The following TSPEAR variants were observed in gnomAD, a reference collection of about 807,000 sequenced individuals.
The protein encoded by TSPEAR is thrombospondin-type laminin G domain and EAR repeat-containing protein.
A neutral mutation model predicts 71.6 loss-of-function variants in TSPEAR; 69 were observed. The ratio of observed to expected loss-of-function variants is 0.96; its 90% CI spans 0.79 to 1.18. The LOEUF (loss-of-function observed/expected upper bound fraction) is 1.18. Among genes scored for constraint, TSPEAR ranks in the 50% most tolerant of loss-of-function variants. The probability of loss-of-function intolerance (pLI) is 0.00; values close to 1 mark genes in which losing one functional copy is unlikely to be tolerated. For synonymous variants in TSPEAR, 402 were observed against 387.2 expected (o/e 1.04, Z -0.45); for missense variants, 971 against 894.9 (o/e 1.09, Z -1.09).
At chr21:44,548,428 C>G (rs1307330192) in intron 2 of TSPEAR, among the ~76,000 whole-genome samples, 3 of 152,150 alleles carry the variant, frequency 2.0e-5, no homozygotes, top group Non-Finnish European at 2.9e-5. Flanking sequence ...AAATTGAACT[C>G]CACCCCCTTT....
chr21:44,663,449 T>G (rs965469783), intron 1 of TSPEAR, among the ~76,000 whole-genome samples: 1 of 152,088 alleles, frequency 6.6e-6, no homozygotes, highest in Non-Finnish European at 1.5e-5. Flanking sequence ...ATTAAAGAAG[T>G]TGAATTTTCA....
At chr21:44,635,880 G>A (rs1463787391) in intron 1 of TSPEAR, among the ~76,000 whole-genome samples, 1 of 152,136 alleles carries the variant, frequency 6.6e-6, no homozygotes, top group Non-Finnish European at 1.5e-5. Context: ...CTGCAATGCT[G>A]GATATTATCA....
At chr21:44,601,598 C>T (rs1555928846) in intron 1 of TSPEAR, 1 of 1,613,650 alleles carries the variant, frequency 6.2e-7, no homozygotes, top group Non-Finnish European at 8.5e-7. Flanking sequence ...GTGCCCGTCC[C>T]CTCCTGCTGC....
At chr21:44,632,700 G>C (rs930522401) in intron 1 of TSPEAR, among the ~76,000 whole-genome samples, 1 of 152,140 alleles carries the variant, frequency 6.6e-6, no homozygotes, top group African/African-American at 2.4e-5. Flanking sequence ...AAAAATAGCT[G>C]AGTGTGGTGG....
chr21:44,527,085 C>T (rs1371701424), intron 7 of TSPEAR, among the ~76,000 whole-genome samples: 2 of 152,226 alleles, frequency 1.3e-5, no homozygotes, highest in African/African-American at 2.4e-5. Flanking sequence ...GTCCGTTTTG[C>T]GGGAGCCAAG....
rs1883040 is a variant in TSPEAR at position 44,677,327 on chromosome 21, C to G, written c.82+34106G>C. On this transcript the variant is annotated intron_variant, in intron 1 of 11. Coordinates refer to ENST00000323084, the MANE Select transcript of TSPEAR (RefSeq NM_144991.3). ...GCCACTTAGCAGACTTCTTCTTGCC[C>G]TCAATCTCAGAATTGTCCATGGCGG... is the stretch of plus-strand genomic sequence containing the variant. 3.0e-3 allele frequency: 3,732 copies of G among 1,228,728 alleles called. 92 individuals carry two copies. The African/African-American group carries it at 0.049, about 16-fold the overall frequency. 76.1% of individuals were successfully genotyped at this position (1,228,728 alleles called of 1,614,324 possible). A position where few individuals can be genotyped will look rare whatever the true frequency, so the allele number is the denominator to read the frequency against.
intron 2 of TSPEAR, among the ~76,000 whole-genome samples, chr21:44,535,540 G>A (rs914075707): frequency 2.0e-5 from 3 of 152,196 alleles, no homozygotes; most frequent in Non-Finnish European, 2.9e-5. Flanking sequence ...TAACACTGAC[G>A]TTTTACTGTA....
In TSPEAR at chr21:44,612,441, G is replaced by C. The variant is rs587647828; in HGVS notation, c.83-44436C>G. The C allele has an allele frequency of 2.6e-4, 416 of 1,613,994 alleles. 5 individuals carry two copies. The South Asian group carries it at 4.3e-3, about 17-fold the overall frequency. ...CCGGCTTGCTGCACCTCCTCCCCCT[G>C]CCAACAGGCCTGCTGTGTGCCTGTG... On this transcript the variant is annotated intron_variant, in intron 1 of 11. Coordinates refer to ENST00000323084, the MANE Select transcript of TSPEAR (RefSeq NM_144991.3). This position sits in a 1 kb window ranked among gnomAD's most constrained non-coding sequence, Gnocchi z 4.1.
intron 10 of TSPEAR, among the ~76,000 whole-genome samples, chr21:44,507,800 G>A (rs997325657): frequency 5.9e-5 from 9 of 152,222 alleles, no homozygotes; most frequent in Non-Finnish European, 8.8e-5. Flanking sequence ...ATTGGATGGC[G>A]TGGATTCGTG....
intron 1 of TSPEAR, among the ~76,000 whole-genome samples, chr21:44,577,314 G>A (rs587714798): frequency 6.6e-5 from 10 of 152,330 alleles, no homozygotes; most frequent in African/African-American, 2.4e-4. Context: ...ATTTTGCACT[G>A]CTGTAAAGGA....
chr21:44,583,497 G>A (rs587732580), intron 1 of TSPEAR, among the ~76,000 whole-genome samples: 1 of 152,288 alleles, frequency 6.6e-6, no homozygotes, highest in South Asian at 2.1e-4. Context: ...TTGGTCTCGT[G>A]CATGCAGTGT....
intron 1 of TSPEAR, among the ~76,000 whole-genome samples, chr21:44,569,214 T>C (rs1246308782): frequency 6.6e-6 from 1 of 152,188 alleles, no homozygotes; most frequent in Non-Finnish European, 1.5e-5. Flanking sequence ...CAGAAGAGCC[T>C]ACCCTGGAAA....
At chr21:44,589,299 G>A (rs1016748014) in intron 1 of TSPEAR, among the ~76,000 whole-genome samples, 7 of 152,270 alleles carry the variant, frequency 4.6e-5, no homozygotes, top group South Asian at 2.1e-4. Context: ...TATTCCCCAC[G>A]GGAATGGGCC....
chr21:44,554,254 G>A (rs2053491367), intron 2 of TSPEAR, among the ~76,000 whole-genome samples: 1 of 152,236 alleles, frequency 6.6e-6, no homozygotes, highest in Non-Finnish European at 1.5e-5. Flanking sequence ...GAAGGTGGCT[G>A]TCTGTAGACC....
At chr21:44,677,718 T>C in intron 1 of TSPEAR, 1 of 1,430,850 alleles carries the variant, frequency 7.0e-7, no homozygotes, top group Non-Finnish European at 9.9e-7. Context: ...TGAGGCAGGC[T>C]GTTTAAATTC....
Position 44,567,894 on chromosome 21 carries a change from G to T in TSPEAR, c.194C>A (p.Ala65Asp). 6.2e-7 allele frequency: 1 copy of T among 1,608,904 alleles called. No individual in the cohort carries two copies. The highest frequency in any genetic ancestry group is 8.5e-7 in the Non-Finnish European group (1 of 1,176,778). The change falls in exon 2 of 12, where the codon GCC becomes GAC. Residue 65 changes from alanine to aspartate, a missense_variant. Transcript: ENST00000323084. ...TGCTGGGAAGCTCATGGTGCGGGGG[G>T]CGGCTACTGAGAGCTGGAGTCCCCG... ...GARGLQLSVA[A>D]PRTMSFPASR...
chr21:44,653,014 C>G (rs939958308), intron 1 of TSPEAR, among the ~76,000 whole-genome samples: 2 of 151,740 alleles, frequency 1.3e-5, no homozygotes, highest in African/African-American at 4.8e-5. Flanking sequence ...AAAAATTAAC[C>G]AAGCGTGGCG....
In TSPEAR at chr21:44,591,641, A is replaced by G. The variant is rs367768609; in HGVS notation, c.83-23636T>C. On this transcript the variant is annotated intron_variant, in intron 1 of 11. Coordinates refer to ENST00000323084, the MANE Select transcript of TSPEAR (RefSeq NM_144991.3). Reference sequence around the variant, plus strand: ...GGCTGGCAGCTAGACTGCTGGCAGCATGATGTGGAAGCCCCAGAGCAGACG... The same window carrying G: ...GGCTGGCAGCTAGACTGCTGGCAGCGTGATGTGGAAGCCCCAGAGCAGACG... 16 of 1,613,832 alleles carry G rather than the reference A, an allele frequency of 9.9e-6. No individual in the cohort carries two copies. The highest frequency in any genetic ancestry group is 1.3e-5 in the Non-Finnish European group (15 of 1,179,828).
intron 2 of TSPEAR, among the ~76,000 whole-genome samples, chr21:44,553,873 G>A (rs587631401): frequency 7.2e-5 from 11 of 152,260 alleles, no homozygotes; most frequent in African/African-American, 2.6e-4. Context: ...ATATCCTCAG[G>A]GCTTCCAGGG....
Sources: allele counts gnomAD v4.1 joint callset (sites outside exome capture counted in the v4.1 genomes callset), GRCh38; gene constraint gnomAD v4.1.1; non-coding constraint Gnocchi (gnomAD v3.1); transcripts MANE v1.5; gene names NCBI Gene and HGNC (gene_info 2026-07-23, HGNC 2026-07-21).